Variants in POLR2B observed in about 807,000 individuals in gnomAD.
The protein encoded by POLR2B is RNA polymerase II subunit B.
POLR2B carries 57 observed loss-of-function variants against 144.6 expected under a neutral mutation model. The observed-to-expected ratio is 0.39, with a 90% CI of 0.32 to 0.49. The LOEUF is 0.49. POLR2B is among the 20% of genes least tolerant of loss of function. The pLI is 0.83. For synonymous variants in POLR2B, 442 were observed against 469.8 expected, an observed-to-expected ratio of 0.94 and a Z score of 0.77; for missense variants, 595 against 1,467.4, an observed-to-expected ratio of 0.41 and a Z score of 9.71.
intron 16 of POLR2B, among the ~76,000 whole-genome samples, chr4:57,018,013 A>T (rs1007042575): frequency 7.2e-5 from 11 of 152,172 alleles, no homozygotes; most frequent in African/African-American, 2.7e-4. Context: ...AGCAAAATTG[A>T]TGAAGGGGTA....
At chr4:56,990,231 T>C (rs188454180) in intron 2 of POLR2B, among the ~76,000 whole-genome samples, 1 of 147,800 alleles carries the variant, frequency 6.8e-6, no homozygotes, top group African/African-American at 2.5e-5. Flanking sequence ...GGGCATAAAG[T>C]TTTTTTTTTT....
intron 1 of POLR2B, among the ~76,000 whole-genome samples, chr4:56,982,701 G>GT (rs1196371081): frequency 3.5e-4 from 53 of 151,886 alleles, no homozygotes; most frequent in African/African-American, 1.2e-3. Context: ...ATTGTATTAG[G>GT]TATTATAAAT....
In POLR2B at chr4:57,006,983, C is replaced by T. The variant is rs1723038455; in HGVS notation, c.1385C>T (p.Ala462Val). The stretch of plus-strand genomic sequence containing the variant: ...GGTGATCAAAAGAAAGCTCATCAAG[C>T]CAGAGCTGGAGTATCTCAGGTAAGT... ...NWGDQKKAHQ[A>V]RAGVSQVLNR... Residue 462 changes from alanine (A) to valine (V), a missense_variant, in exon 10 of 25, where the codon GCC becomes GTC. Physicochemically the swap from Ala to Val is moderately conservative, Grantham distance 64. This residue lies in a region of POLR2B where 251 missense variants were observed against 567.3 expected (regional missense o/e 0.44). Transcript: ENST00000314595. 8 of 1,613,230 alleles carry T rather than the reference C, an allele frequency of 5.0e-6. No homozygotes were observed. The highest frequency in any genetic ancestry group is 2.2e-5 in the East Asian group (1 of 44,870).
chr4:57,029,514 TATATTTTGGATATTAAGTATGTTAAGGA>T (rs1448959696), intron 23 of POLR2B, among the ~76,000 whole-genome samples: 1 of 152,238 alleles, frequency 6.6e-6, no homozygotes, highest in African/African-American at 2.4e-5. Flanking sequence ...TTTTATTTTG[TATATTTTGGATATTAAGTATGTTAAGGA>T]AGCCATCACC....
At chr4:57,010,287 T>C (rs1434559391) in intron 10 of POLR2B, 74 bp from the exon 11 acceptor site, 7 of 1,279,396 alleles carry the variant, frequency 5.5e-6, no homozygotes, top group Non-Finnish European at 7.7e-6. Flanking sequence ...TATGTAAAAA[T>C]ATGACTTTGC....
Position 57,010,729 on chromosome 4 carries a change from T to C in POLR2B, c.1549-19T>C, listed in dbSNP as rs767969903. 1.3e-6 allele frequency: 2 copies of C among 1,572,368 alleles called. No individual in the cohort carries two copies. Among genetic ancestry groups the C allele is most frequent in the African/African-American group, 1.4e-5 (1 of 73,020 alleles). On this transcript the variant is annotated intron_variant, in intron 11 of 24. Coordinates refer to ENST00000314595, the MANE Select transcript of POLR2B (RefSeq NM_000938.3). ...AGGCATGTAAAATCAGAATGACTAA[T>C]ACTTGGTTTATTTTTTAGGGCCATG...
intron 6 of POLR2B, among the ~76,000 whole-genome samples, chr4:56,995,762 G>A (rs1369875406): frequency 6.6e-6 from 1 of 152,198 alleles, no homozygotes; most frequent in Non-Finnish European, 1.5e-5. Context: ...GTCTTTGCTC[G>A]CTGTTGGCTG....
intron 6 of POLR2B, 82 bp from the exon 7 acceptor site, chr4:56,999,535 T>C (rs891929327): frequency 7.2e-6 from 6 of 831,198 alleles, no homozygotes; most frequent in African/African-American, 1.7e-5. Flanking sequence ...AGAATATATA[T>C]ATATTAAATA....
intron 1 of POLR2B, among the ~76,000 whole-genome samples, chr4:56,979,344 A>G (rs1202061249): frequency 6.6e-6 from 1 of 151,640 alleles, no homozygotes; most frequent in Non-Finnish European, 1.5e-5. Context: ...AATTTTCCTT[A>G]AAGCCACAGT....
At chr4:57,028,878 A>G (rs112164851) in intron 23 of POLR2B, among the ~76,000 whole-genome samples, 75 of 152,316 alleles carry the variant, frequency 4.9e-4, no homozygotes, top group African/African-American at 1.8e-3. Flanking sequence ...TGTTGGTTTT[A>G]ATCAGTATAC....
chr4:56,982,699 A>G (rs140110605), intron 1 of POLR2B, among the ~76,000 whole-genome samples: 3 of 152,298 alleles, frequency 2.0e-5, no homozygotes, highest in Non-Finnish European at 4.4e-5. Flanking sequence ...ACATTGTATT[A>G]GGTATTATAA....
At chr4:57,018,097 A>G (rs1560482659) in intron 16 of POLR2B, among the ~76,000 whole-genome samples, 1 of 152,206 alleles carries the variant, frequency 6.6e-6, no homozygotes. Context: ...ACAGTTAGTC[A>G]TGTCAGCTTA....
In POLR2B at chr4:56,993,314, A is replaced by C. The variant is rs113449752; in HGVS notation, c.244-1090A>C. Among the ~76,000 whole-genome samples the C allele has an allele frequency of 2.1e-3, 321 of 151,576 alleles. 2 individuals are homozygous for C. The highest frequency in any genetic ancestry group is 7.2e-3 in the African/African-American group (298 of 41,548). On this transcript the variant is annotated intron_variant, in intron 3 of 24. Transcript: ENST00000314595. ...TGAGACCCTGTCTCAAACAAAACAAAACAAAATGAAACAAAACAAAAGAGA... is the reference window on the plus strand; with the variant it reads ...TGAGACCCTGTCTCAAACAAAACAACACAAAATGAAACAAAACAAAAGAGA...
Position 57,023,231 on chromosome 4 carries a change from G to T in POLR2B, c.2516-99G>T. 1 of 1,100,024 alleles carries T rather than the reference G, an allele frequency of 9.1e-7. No homozygotes were observed. The highest frequency in any genetic ancestry group is 1.3e-6 in the Non-Finnish European group (1 of 744,608). The allele number at this position is 1,100,024 out of a possible 1,614,324, so 68.1% of individuals were successfully genotyped here. ...ATAAGGGTGTGATTCATGGTATAGA[G>T]ACTCCTGTGGCCTTCTCTCTGACTT... On this transcript the variant is annotated intron_variant, in intron 18 of 24. Coordinates refer to ENST00000314595, the MANE Select transcript of POLR2B (RefSeq NM_000938.3). The surrounding 1 kb of genome is among the most constrained non-coding windows in gnomAD (Gnocchi z 4.3).
At position 56,995,236 on chromosome 4, in the gene POLR2B, T is replaced by G; in HGVS notation, c.577-15T>G. ...TTTGGATTTTATGGCTGTAACTTTC[T>G]TATTGTCCAAATAGGTTCTGATTGC... is the stretch of plus-strand genomic sequence containing the variant. On this transcript the variant is annotated splice_polypyrimidine_tract_variant and intron_variant, in intron 5 of 24. Transcript: ENST00000314595. The G allele has an allele frequency of 6.3e-7, 1 of 1,585,200 alleles. No individual in the cohort carries two copies. The highest frequency in any genetic ancestry group is 8.6e-7 in the Non-Finnish European group (1 of 1,161,014).
intron 17 of POLR2B, among the ~76,000 whole-genome samples, chr4:57,021,641 A>G (rs1723553835): frequency 6.7e-6 from 1 of 149,976 alleles, no homozygotes; most frequent in Non-Finnish European, 1.5e-5. Flanking sequence ...GGCACGCACC[A>G]CCATGCCAGA....
At chr4:57,026,827 T>TTAGTGACAAGAA (rs1723736610) in intron 23 of POLR2B, among the ~76,000 whole-genome samples, 1 of 152,178 alleles carries the variant, frequency 6.6e-6, no homozygotes, top group South Asian at 2.1e-4. Context: ...CCAGATGAAT[T>TTAGTGACAAGAA]TAGTGACAAG....
Position 57,023,385 on chromosome 4 carries a change from G to A in POLR2B, c.2571G>A (p.Gly857=), listed in dbSNP as rs141896022. The A allele has an allele frequency of 1.4e-5, 23 of 1,613,684 alleles. No individual in the cohort carries two copies. The highest frequency in any genetic ancestry group is 1.9e-5 in the Non-Finnish European group (23 of 1,179,756). ...KLDDDGLIAP[G]VRVSGDDVII... is the part of the protein sequence containing the mutation. ...ATGATGATGGTTTGATAGCTCCAGG[G>A]GTTCGTGTATCAGGAGATGATGTTA... The change falls in exon 19 of 25, where the codon GGG becomes GGA. Residue 857 remains glycine, a synonymous_variant. Transcript: ENST00000314595. The surrounding 1 kb of genome is among the most constrained non-coding windows in gnomAD (Gnocchi z 4.3).
At chr4:56,999,139 AC>A (rs1722776797) in intron 6 of POLR2B, among the ~76,000 whole-genome samples, 1 of 152,024 alleles carries the variant, frequency 6.6e-6, no homozygotes, top group African/African-American at 2.4e-5. Flanking sequence ...TGCCTCACAG[AC>A]CAGCTCTGAT....
Sources: gnomAD v4.1 joint callset for allele counts (sites outside exome capture counted in the v4.1 genomes callset) on GRCh38, gnomAD v4.1.1 for gene constraint, gnomAD v4.1.1 regional missense constraint, Gnocchi (gnomAD v3.1) non-coding constraint, MANE v1.5 for transcripts, NCBI Gene and HGNC (gene_info 2026-07-23, HGNC 2026-07-21) for gene names.